ZBTB16: variants seen among roughly 807,000 people sequenced by gnomAD.
The protein encoded by ZBTB16 is zinc finger and BTB domain-containing protein 16.
ZBTB16 carries 8 observed loss-of-function variants against 56.8 expected under a neutral mutation model. That is an observed-to-expected ratio of 0.14 (90% CI 0.08 to 0.25). ZBTB16 has a LOEUF of 0.25. Ranked by LOEUF, ZBTB16 falls within the 10% of genes least tolerant of loss-of-function variation. The probability of loss-of-function intolerance (pLI) is 1.00; values close to 1 mark genes in which losing one functional copy is unlikely to be tolerated. For synonymous variants in ZBTB16, 363 were observed against 368.5 expected, an observed-to-expected ratio of 0.98 and a Z score of 0.17; for missense variants, 625 against 903.0, an observed-to-expected ratio of 0.69 and a Z score of 3.95.
chr11:114,252,773 C>T lies in ZBTB16; in HGVS notation c.*2218C>T, dbSNP rs558111858. On this transcript the variant is annotated 3_prime_UTR_variant, in exon 7 of 7. Coordinates refer to ENST00000335953, the MANE Select transcript of ZBTB16 (RefSeq NM_006006.6). ...GAAGCCGGAGGGATGGGTGCTGCTGCGACGACCCCCCCGTCCCTCGGCCCC... is the reference window on the plus strand; with the variant it reads ...GAAGCCGGAGGGATGGGTGCTGCTGTGACGACCCCCCCGTCCCTCGGCCCC... Among the ~76,000 whole-genome samples the T allele has an allele frequency of 2.0e-5, 3 of 152,174 alleles. No individual in the cohort carries two copies. The highest frequency in any genetic ancestry group is 3.9e-4 in the East Asian group (2 of 5,182).
intron 4 of ZBTB16, among the ~76,000 whole-genome samples, chr11:114,229,496 G>A (rs1343765849): frequency 1.3e-5 from 2 of 152,062 alleles, no homozygotes; most frequent in Non-Finnish European, 2.9e-5. Context: ...TAAACTTTAC[G>A]GTACAGAAGT....
intron 4 of ZBTB16, among the ~76,000 whole-genome samples, chr11:114,214,993 T>C (rs1257274294): frequency 2.0e-5 from 3 of 152,064 alleles, no homozygotes; most frequent in African/African-American, 4.8e-5. Flanking sequence ...ATCTTTTTTT[T>C]TTTTTTCCTG....
chr11:114,199,358 G>A (rs916649598), intron 4 of ZBTB16, among the ~76,000 whole-genome samples: 4 of 151,910 alleles, frequency 2.6e-5, no homozygotes, highest in Non-Finnish European at 4.4e-5. Context: ...GCCCCGGGAC[G>A]GGGCTGCTGG....
rs747091371 is a variant in ZBTB16, at chr11:114,063,715, G to A, written c.415G>A (p.Asp139Asn). The change falls in exon 2 of 7, where the codon GAT becomes AAT. Residue 139 changes from aspartate to asparagine, a missense_variant. Transcript: ENST00000335953. This position sits in a 1 kb window ranked among gnomAD's most constrained non-coding sequence, Gnocchi z 6.5. ...CAATGACACGGAGGCCACCATGGCC[G>A]ATGGCGGGGCCGAGGAAGAAGAGGA... ...DDNDTEATMA[D>N]GGAEEEEDRK... The A allele has an allele frequency of 1.5e-5, 25 of 1,613,904 alleles. No homozygotes were observed. The highest frequency in any genetic ancestry group is 3.3e-5 in the South Asian group (3 of 91,088).
intron 3 of ZBTB16, among the ~76,000 whole-genome samples, chr11:114,165,282 C>G (rs1420927119): frequency 2.0e-5 from 3 of 152,198 alleles, no homozygotes; most frequent in African/African-American, 7.2e-5. Context: ...CAGAGTGGGG[C>G]TTCTCTGGCT....
intron 2 of ZBTB16, among the ~76,000 whole-genome samples, chr11:114,128,810 C>T (rs546730579): frequency 1.3e-5 from 2 of 152,278 alleles, no homozygotes; most frequent in South Asian, 2.1e-4. Context: ...CTGTCACCTG[C>T]CCCTGATGTG....
chr11:114,247,850 A>G (rs1355324313), intron 6 of ZBTB16, among the ~76,000 whole-genome samples: 2 of 151,972 alleles, frequency 1.3e-5, no homozygotes, highest in Non-Finnish European at 2.9e-5. Flanking sequence ...GAGCAGATAT[A>G]TTTAATAATC....
chr11:114,220,601 G>T (rs1944210420), intron 4 of ZBTB16, among the ~76,000 whole-genome samples: 1 of 152,236 alleles, frequency 6.6e-6, no homozygotes, highest in African/African-American at 2.4e-5. Context: ...GGCAGGGACT[G>T]TGTCAGTCTG....
chr11:114,142,055 G>A (rs1222221892), intron 2 of ZBTB16, among the ~76,000 whole-genome samples: 1 of 152,202 alleles, frequency 6.6e-6, no homozygotes, highest in African/African-American at 2.4e-5. Flanking sequence ...CTCAGGAAAT[G>A]CTTAATGAAT....
At chr11:114,241,810 C>G (rs1029419685) in intron 4 of ZBTB16, among the ~76,000 whole-genome samples, 1 of 152,142 alleles carries the variant, frequency 6.6e-6, no homozygotes, top group African/African-American at 2.4e-5. Flanking sequence ...ACCTTGCCTC[C>G]CCCACTTTTT....
intron 4 of ZBTB16, among the ~76,000 whole-genome samples, chr11:114,207,015 T>G (rs1276904282): frequency 6.6e-6 from 1 of 152,126 alleles, no homozygotes; most frequent in East Asian, 1.9e-4. Context: ...CATGCTCTGT[T>G]TTTGAACGAC....
chr11:114,204,590 T>C (rs1256698484), intron 4 of ZBTB16, among the ~76,000 whole-genome samples: 3 of 152,224 alleles, frequency 2.0e-5, no homozygotes, highest in Non-Finnish European at 4.4e-5. Context: ...TTTCTCCCCA[T>C]GATCTCTGAT....
chr11:114,119,851 C>A (rs1398968925), intron 2 of ZBTB16, among the ~76,000 whole-genome samples: 1 of 152,174 alleles, frequency 6.6e-6, no homozygotes, highest in Non-Finnish European at 1.5e-5. Flanking sequence ...AGCTAGCAAG[C>A]GGTGGAGCGA....
chr11:114,086,763 G>C (rs181715379), intron 2 of ZBTB16, among the ~76,000 whole-genome samples: 137 of 152,306 alleles, frequency 9.0e-4, no homozygotes, highest in Non-Finnish European at 1.5e-3. Context: ...TGCCCTGAGA[G>C]CTCCTCAACT....
At chr11:114,159,174 C>T (rs764954630) in intron 3 of ZBTB16, among the ~76,000 whole-genome samples, 5 of 152,224 alleles carry the variant, frequency 3.3e-5, no homozygotes, top group East Asian at 1.9e-4. Flanking sequence ...AACTGCCCTG[C>T]GGAGCTGGCG....
At chr11:114,234,540 AGTG>A (rs1209315229) in intron 4 of ZBTB16, among the ~76,000 whole-genome samples, 1 of 152,210 alleles carries the variant, frequency 6.6e-6, no homozygotes, top group East Asian at 1.9e-4. Flanking sequence ...GGAGTACAGT[AGTG>A]CATCCCTAAT....
chr11:114,224,773 G>C (rs1944297605), intron 4 of ZBTB16, among the ~76,000 whole-genome samples: 1 of 152,202 alleles, frequency 6.6e-6, no homozygotes, highest in South Asian at 2.1e-4. Context: ...TGGTGTCATG[G>C]AAGCTAAAGG....
intron 2 of ZBTB16, among the ~76,000 whole-genome samples, chr11:114,082,367 GC>G (rs1939798300): frequency 6.6e-6 from 1 of 152,174 alleles, no homozygotes. Flanking sequence ...GTGTGGGATA[GC>G]CTGAGGATTT....
At chr11:114,157,171 G>T (rs1942437773) in intron 3 of ZBTB16, among the ~76,000 whole-genome samples, 1 of 152,112 alleles carries the variant, frequency 6.6e-6, no homozygotes, top group African/African-American at 2.4e-5. Flanking sequence ...TGTTTCATTT[G>T]GTCTTGTCTT....
Sources: gnomAD v4.1 joint callset for allele counts (sites outside exome capture counted in the v4.1 genomes callset) on GRCh38, gnomAD v4.1.1 for gene constraint, Gnocchi (gnomAD v3.1) non-coding constraint, MANE v1.5 for transcripts, NCBI Gene and HGNC (gene_info 2026-07-23, HGNC 2026-07-21) for gene names.